The following TM2D3 variants were observed in gnomAD, a reference collection of about 807,000 sequenced individuals.
The protein encoded by TM2D3 is TM2 domain containing 3, also known as TM2 domain-containing protein 3.
A neutral mutation model predicts 27.3 loss-of-function variants in TM2D3; 33 were observed. The ratio of observed to expected loss-of-function variants is 1.21; its 90% CI spans 0.92 to 1.61. TM2D3 has a LOEUF of 1.61. Ranked by LOEUF, TM2D3 falls within the 40% of genes most tolerant of loss-of-function variation. TM2D3 has a pLI of 0.00. For synonymous variants in TM2D3, 138 were observed against 122.2 expected, an observed-to-expected ratio of 1.13 and a Z score of -0.85; for missense variants, 364 against 320.8, an observed-to-expected ratio of 1.13 and a Z score of -1.03.
In TM2D3 at chr15:101,642,284, A is replaced by G. The variant is rs918823268; in HGVS notation, c.*195T>C. ...CGTTTTAATTTTTTCACAGAAAAAAATATATTTCAGGCAAATAAAAACAAA... is the reference window on the plus strand; with the variant it reads ...CGTTTTAATTTTTTCACAGAAAAAAGTATATTTCAGGCAAATAAAAACAAA... On this transcript the variant is annotated 3_prime_UTR_variant, in exon 6 of 6. Transcript: ENST00000333202. 1.1e-5 allele frequency: 14 copies of G among 1,251,604 alleles called. No individual in the cohort carries two copies. Among genetic ancestry groups the G allele is most frequent in the Non-Finnish European group, 4.0e-6 (4 of 997,182 alleles). 77.5% of individuals were successfully genotyped at this position (1,251,604 alleles called of 1,614,324 possible).
At chr15:101,650,391 C>T (rs887037370) in intron 2 of TM2D3, 2 of 398,802 alleles carry the variant, frequency 5.0e-6, no homozygotes, top group East Asian at 3.8e-5. Flanking sequence ...ATTCCTGCCT[C>T]CCACGTGGCC....
chr15:101,643,430 G>A (rs1363635602), intron 5 of TM2D3, among the ~76,000 whole-genome samples: 1 of 151,768 alleles, frequency 6.6e-6, no homozygotes, highest in Non-Finnish European at 1.5e-5. Flanking sequence ...GTGAAACCCT[G>A]TCTCTATTAA....
chr15:101,644,770 ATAGT>A (rs777530444), intron 5 of TM2D3, among the ~76,000 whole-genome samples: 2 of 152,164 alleles, frequency 1.3e-5, no homozygotes, highest in Non-Finnish European at 2.9e-5. Context: ...ACTTTTTATA[ATAGT>A]TACTTAAAAT....
chr15:101,651,674 T>C (rs374474191), intron 2 of TM2D3, 22 bp downstream of exon 2: 10 of 1,610,792 alleles, frequency 6.2e-6, no homozygotes, highest in Non-Finnish European at 8.5e-6. Context: ...ATGTATTTAC[T>C]AGAATAGAAA....
intron 4 of TM2D3, chr15:101,636,784 A>G (rs1896559737): frequency 4.0e-6 from 1 of 249,478 alleles, no homozygotes; most frequent in Admixed American, 5.0e-5. Context: ...CATCCCCACC[A>G]GCAATATATG....
At chr15:101,636,788 A>G in intron 4 of TM2D3, 1 of 282,352 alleles carries the variant, frequency 3.5e-6, no homozygotes, top group South Asian at 2.7e-5. Context: ...CCCACCAGCA[A>G]TATATGAAGG....
downstream of TM2D3, among the ~76,000 whole-genome samples, chr15:101,641,077 A>T (rs1010487373): frequency 2.6e-5 from 4 of 152,220 alleles, no homozygotes; most frequent in African/African-American, 4.8e-5. Context: ...ACATAAGGAG[A>T]CTCAGGAGAC....
Position 101,650,141 on chromosome 15 carries a change from AAGGTG to A in TM2D3, c.185_189del (p.Pro62LeufsTer12), listed in dbSNP as rs774298716. 6.2e-7 allele frequency: 1 copy of A among 1,613,738 alleles called. No individual in the cohort carries two copies. The highest frequency in any genetic ancestry group is 8.5e-7 in the Non-Finnish European group (1 of 1,179,838). ...CCATTGCTCGGACACTTCATCACAT[AAGGTG>A]GGATTTCAGTACTTTCTGTGAGAGG... On this transcript the variant is annotated frameshift_variant, in exon 3 of 6. Coordinates refer to ENST00000333202, the MANE Select transcript of TM2D3 (RefSeq NM_078474.3). LOFTEE classifies it high-confidence loss of function.
At chr15:101,647,231 T>G (rs1257493450) in intron 3 of TM2D3, among the ~76,000 whole-genome samples, 1 of 152,208 alleles carries the variant, frequency 6.6e-6, no homozygotes, top group Non-Finnish European at 1.5e-5. Context: ...ACGTATACTT[T>G]TATAATGCAG....
At chr15:101,645,344 G>T in intron 4 of TM2D3, 182 bp from the exon 5 acceptor site, 1 of 596,576 alleles carries the variant, frequency 1.7e-6, no homozygotes, top group East Asian at 2.8e-5. Flanking sequence ...ATTTAAATCA[G>T]CTAAGTTAGG....
rs1241813174 is a variant in TM2D3 at position 101,649,825 on chromosome 15, G to A, written c.327+179C>T. Among the ~76,000 whole-genome samples, 4 of 152,200 alleles carry A rather than the reference G, an allele frequency of 2.6e-5. No individual in the cohort carries two copies. The East Asian group carries it at 7.7e-4, about 29-fold the overall frequency. On this transcript the variant is annotated intron_variant, in intron 3 of 5. Coordinates refer to ENST00000333202, the MANE Select transcript of TM2D3 (RefSeq NM_078474.3). ...ATCATTATAACTAAAACAGTAGTGA[G>A]CTGATATGGAAAGGTCTATTGGGTT...
In TM2D3 at chr15:101,642,532, G is replaced by C; in HGVS notation, c.691C>G (p.Leu231Val). Residue 231 changes from leucine to valine, a missense_variant, in exon 6 of 6, where the codon CTG becomes GTG. Transcript: ENST00000333202. ...GLGIWTLIDV[L>V]LIGVGYVGPA... The stretch of plus-strand genomic sequence containing the variant: ...CCAACATAGCCAACTCCAATGAGCA[G>C]GACGTCTATCAGCGTCCATATTCCC... 6.2e-7 allele frequency: 1 copy of C among 1,613,564 alleles called. No homozygotes were observed. Among genetic ancestry groups the C allele is most frequent in the Non-Finnish European group, 8.5e-7 (1 of 1,179,852 alleles).
At chr15:101,643,637 A>AC (rs1896729416) in intron 5 of TM2D3, among the ~76,000 whole-genome samples, 1 of 150,044 alleles carries the variant, frequency 6.7e-6, no homozygotes, top group Non-Finnish European at 1.5e-5. Flanking sequence ...AAAAAAAAAA[A>AC]AACCATGTTG....
chr15:101,640,222 T>A (rs1896636026), downstream of TM2D3, among the ~76,000 whole-genome samples: 1 of 152,112 alleles, frequency 6.6e-6, no homozygotes, highest in African/African-American at 2.4e-5. Flanking sequence ...GTAATGATGG[T>A]ATCAGGAGGT....
Position 101,649,624 on chromosome 15 carries a change from G to A in TM2D3, c.327+380C>T, listed in dbSNP as rs79706348. Among the ~76,000 whole-genome samples the A allele has an allele frequency of 1.7e-3, 257 of 152,280 alleles. 2 individuals are homozygous for A. Among genetic ancestry groups the A allele is most frequent in the East Asian group, 0.016 (85 of 5,188 alleles). The stretch of plus-strand genomic sequence containing the variant: ...CTGGCCCTTCAAAAGCTCATCTATG[G>A]CAGAAAGACACTGCCACCCCCTCTG... On this transcript the variant is annotated intron_variant, in intron 3 of 5. Coordinates refer to ENST00000333202, the MANE Select transcript of TM2D3 (RefSeq NM_078474.3).
At chr15:101,649,844 T>C (rs769421592) in intron 3 of TM2D3, among the ~76,000 whole-genome samples, 160 bp downstream of exon 3, 9 of 152,260 alleles carry the variant, frequency 5.9e-5, no homozygotes, top group Non-Finnish European at 1.3e-4. Context: ...GAAAGGTCTA[T>C]TGGGTTTTTT....
downstream of TM2D3, among the ~76,000 whole-genome samples, chr15:101,637,302 G>T (rs567993084): frequency 1.6e-4 from 25 of 152,292 alleles, no homozygotes; most frequent in African/African-American, 5.1e-4. Flanking sequence ...GCTTCAGAGA[G>T]AATAGATTGG....
chr15:101,642,111 G>A lies in TM2D3; in HGVS notation c.*368C>T. ...AACAATAAAAACACTCCCACTTCCTGCAGTCACAGCTGAAAGACTTTTCAA... is the reference window on the plus strand; with the variant it reads ...AACAATAAAAACACTCCCACTTCCTACAGTCACAGCTGAAAGACTTTTCAA... On this transcript the variant is annotated 3_prime_UTR_variant, in exon 6 of 6. Transcript: ENST00000333202. The A allele has an allele frequency of 1.0e-6, 1 of 992,750 alleles. No individual in the cohort carries two copies. Among genetic ancestry groups the A allele is most frequent in the Non-Finnish European group, 1.2e-6 (1 of 834,760 alleles). 61.5% of individuals were successfully genotyped at this position (992,750 alleles called of 1,614,324 possible). A position where few individuals can be genotyped will look rare whatever the true frequency, so the allele number is the denominator to read the frequency against.
At chr15:101,646,616 A>C in intron 4 of TM2D3, 109 bp downstream of exon 4, 5 of 1,195,754 alleles carry the variant, frequency 4.2e-6, no homozygotes, top group Non-Finnish European at 6.1e-6. Context: ...AGAGCTGCTG[A>C]TAAATGTTTC....
Sources: gnomAD v4.1 joint callset for allele counts (sites outside exome capture counted in the v4.1 genomes callset) on GRCh38, gnomAD v4.1.1 for gene constraint, MANE v1.5 for transcripts, NCBI Gene and HGNC (gene_info 2026-07-23, HGNC 2026-07-21) for gene names.